The following C10orf90 variants were observed in gnomAD, a reference collection of about 807,000 sequenced individuals.
The protein encoded by C10orf90 is chromosome 10 open reading frame 90.
C10orf90 carries 56 observed loss-of-function variants against 62.5 expected under a neutral mutation model. The observed-to-expected ratio is 0.90, with a 90% confidence interval of 0.72 to 1.12. C10orf90 has a LOEUF of 1.12. Among genes scored for constraint, C10orf90 ranks in the 50% most tolerant of loss-of-function variants. The pLI is 0.00. For missense variants in C10orf90, 970 were observed against 880.4 expected (o/e 1.10, Z -1.29); for synonymous variants, 386 against 340.4 (o/e 1.13, Z -1.47).
intron 7 of C10orf90, among the ~76,000 whole-genome samples, chr10:126,430,785 TG>T (rs1403539917): frequency 6.6e-6 from 1 of 152,198 alleles, no homozygotes; most frequent in Non-Finnish European, 1.5e-5. Context: ...AGTGAAGTCC[TG>T]GGTCTGTTTC....
At chr10:126,558,692 T>C (rs1864831976) in intron 2 of C10orf90, among the ~76,000 whole-genome samples, 1 of 152,218 alleles carries the variant, frequency 6.6e-6, no homozygotes, top group Non-Finnish European at 1.5e-5. Context: ...GGCTCCCATG[T>C]CAAACTCACA....
chr10:126,641,645 G>A (rs965669581), intron 2 of C10orf90, among the ~76,000 whole-genome samples: 7 of 151,878 alleles, frequency 4.6e-5, no homozygotes, highest in African/African-American at 1.2e-4. Flanking sequence ...CAGTCTCATC[G>A]GCAGACAGGT....
Position 126,504,793 on chromosome 10 carries a change from C to T in C10orf90, c.698G>A (p.Gly233Glu), listed in dbSNP as rs201062115. Residue 233 changes from glycine (G) to glutamate (E), a missense_variant, in exon 4 of 10, where the codon GGG becomes GAG. Transcript: ENST00000488181. The surrounding 1 kb of genome is among the most constrained non-coding windows in gnomAD (Gnocchi z 4.1). ...GGCCGTGATGGTGATGGATGCAAACCCTCTGCGGGGGCCCCCACAGGGTCT... is the reference window on the plus strand; with the variant it reads ...GGCCGTGATGGTGATGGATGCAAACTCTCTGCGGGGGCCCCCACAGGGTCT... The part of the protein sequence containing the change: ...EERPCGGPRR[G>E]FASITITARR... 41 of 1,586,334 alleles carry T rather than the reference C, an allele frequency of 2.6e-5. 1 individual carries two copies. In the Admixed American group the frequency reaches 2.8e-4, roughly 11 times the overall value.
Position 126,501,022 on chromosome 10 carries a change from C to G in C10orf90, c.1534+2935G>C, listed in dbSNP as rs552680205. On this transcript the variant is annotated intron_variant, in intron 4 of 9. Transcript: ENST00000488181. ...TCCTTCAGATACAAAGAATCAGATT[C>G]AGTAACTATGAAGTAAGAAGACTGC... Among the ~76,000 whole-genome samples, 8 of 152,312 alleles carry G rather than the reference C, an allele frequency of 5.3e-5. No homozygotes were observed. The South Asian group carries it at 1.7e-3, about 32-fold the overall frequency.
rs1862895883 is a variant in C10orf90, at chr10:126,508,313, A to G, written c.406-3228T>C. 2.7e-5 allele frequency among the ~76,000 whole-genome samples: 4 copies of G among 146,024 alleles called. No homozygotes were observed. In the South Asian group the frequency reaches 6.7e-4, roughly 25 times the overall value. Reference sequence around the variant, plus strand: ...AAGCCTAGAATTTGTATCTTTCACCAGCTCCCAGGTGATTCTTCTGCATGG... The same window carrying G: ...AAGCCTAGAATTTGTATCTTTCACCGGCTCCCAGGTGATTCTTCTGCATGG... On this transcript the variant is annotated intron_variant, in intron 3 of 9. Coordinates refer to ENST00000488181, the MANE Select transcript of C10orf90 (RefSeq NM_001350921.2).
intron 7 of C10orf90, among the ~76,000 whole-genome samples, chr10:126,450,798 G>A (rs1859130735): frequency 6.6e-6 from 1 of 152,142 alleles, no homozygotes; most frequent in Non-Finnish European, 1.5e-5. Context: ...TTTTTTGGAT[G>A]TGACCTCAAA....
chr10:126,552,243 A>T (rs1864650975), intron 2 of C10orf90, among the ~76,000 whole-genome samples: 1 of 152,198 alleles, frequency 6.6e-6, no homozygotes, highest in African/African-American at 2.4e-5. Context: ...ACAGGGAACC[A>T]TGTAGTATAC....
At chr10:126,620,530 A>G (rs1591150556) in intron 2 of C10orf90, among the ~76,000 whole-genome samples, 1 of 152,280 alleles carries the variant, frequency 6.6e-6, no homozygotes, top group Admixed American at 6.5e-5. Context: ...GTTTAAAAGA[A>G]TGTCATTCAT....
intron 7 of C10orf90, among the ~76,000 whole-genome samples, chr10:126,452,744 G>A (rs950834827): frequency 1.3e-5 from 2 of 152,192 alleles, no homozygotes; most frequent in African/African-American, 4.8e-5. Flanking sequence ...AATAATAAAA[G>A]TGTACAAGTG....
In C10orf90 at chr10:126,468,877, T is replaced by A. The variant is rs148688761; in HGVS notation, c.1535-3891A>T. On this transcript the variant is annotated intron_variant, in intron 4 of 9. Transcript: ENST00000488181. The stretch of plus-strand genomic sequence containing the variant: ...AAGATGGGTCTCTTTCAAGACATTT[T>A]ACCTCCATTGGCCAGAAAATGTCAC... Among the ~76,000 whole-genome samples, 196 of 152,330 alleles carry A rather than the reference T, an allele frequency of 1.3e-3. 1 individual carries two copies. Among genetic ancestry groups the A allele is most frequent in the African/African-American group, 4.3e-3 (179 of 41,584 alleles).
intron 2 of C10orf90, among the ~76,000 whole-genome samples, chr10:126,527,188 G>C (rs1863975560): frequency 6.6e-6 from 1 of 152,172 alleles, no homozygotes; most frequent in Non-Finnish European, 1.5e-5. Flanking sequence ...AGCGATGTAT[G>C]AGGGTTTCAT....
At chr10:126,584,492 A>G (rs7069435) in intron 2 of C10orf90, among the ~76,000 whole-genome samples, 150,996 of 152,250 alleles carry the variant, frequency 0.99, 74,885 homozygotes, top group East Asian at 1. Flanking sequence ...AACAGGCACC[A>G]TGAGCATCTC....
chr10:126,651,681 C>G (rs1846294176), intron 1 of C10orf90, among the ~76,000 whole-genome samples: 1 of 152,144 alleles, frequency 6.6e-6, no homozygotes, highest in South Asian at 2.1e-4. Flanking sequence ...AGAGTCTATA[C>G]AGAACACTGC....
chr10:126,571,869 C>A (rs963254279), intron 2 of C10orf90, among the ~76,000 whole-genome samples: 1 of 152,174 alleles, frequency 6.6e-6, no homozygotes, highest in Non-Finnish European at 1.5e-5. Flanking sequence ...CCTAACAATG[C>A]AGGTAGTCAG....
intron 7 of C10orf90, among the ~76,000 whole-genome samples, chr10:126,434,010 C>CT (rs1238614087): frequency 2.0e-5 from 3 of 152,188 alleles, no homozygotes; most frequent in East Asian, 1.9e-4. Flanking sequence ...CTGGAAAATA[C>CT]TTTTTTCCCC....
At chr10:126,558,993 C>T (rs1401394911) in intron 2 of C10orf90, among the ~76,000 whole-genome samples, 1 of 152,204 alleles carries the variant, frequency 6.6e-6, no homozygotes, top group African/African-American at 2.4e-5. Context: ...GAAGCCAGTA[C>T]CCTGAACGTG....
chr10:126,470,212 G>T (rs1860507920), intron 4 of C10orf90: 1 of 382,578 alleles, frequency 2.6e-6, no homozygotes, highest in Admixed American at 2.9e-5. Context: ...CAGAGGAGGA[G>T]GGAAGGCATT....
chr10:126,562,394 C>A (rs377259002), intron 2 of C10orf90, among the ~76,000 whole-genome samples: 8 of 152,310 alleles, frequency 5.3e-5, no homozygotes, highest in African/African-American at 1.7e-4. Flanking sequence ...CCAAGACGAA[C>A]CTGCTAACCA....
intron 2 of C10orf90, among the ~76,000 whole-genome samples, chr10:126,553,502 G>A (rs1864685820): frequency 6.6e-6 from 1 of 152,132 alleles, no homozygotes; most frequent in Admixed American, 6.5e-5. Context: ...TCATAATGAT[G>A]CTGAAAAATT....
Sources: gnomAD v4.1 joint callset for allele counts (sites outside exome capture counted in the v4.1 genomes callset) on GRCh38, gnomAD v4.1.1 for gene constraint, Gnocchi (gnomAD v3.1) non-coding constraint, MANE v1.5 for transcripts, NCBI Gene and HGNC (gene_info 2026-07-23, HGNC 2026-07-21) for gene names.